The following EMILIN2 variants were observed in gnomAD, a reference collection of about 807,000 sequenced individuals.
EMILIN2 encodes EMILIN-2.
EMILIN2 carries 71 observed loss-of-function variants against 87.1 expected under a neutral mutation model. That is an observed-to-expected ratio of 0.82 (90% CI 0.67 to 0.99). The LOEUF (loss-of-function observed/expected upper bound fraction) is 0.99. EMILIN2 is among the 50% of genes least tolerant of loss of function. The pLI is 0.00. For synonymous variants in EMILIN2, 581 were observed against 563.4 expected (o/e 1.03, Z -0.44); for missense variants, 1,407 against 1,371.8 (o/e 1.03, Z -0.40).
At chr18:2,846,454 C>T (rs1157923558), upstream of EMILIN2, among the ~76,000 whole-genome samples, 2 of 152,152 alleles carry the variant, frequency 1.3e-5, no homozygotes, top group African/African-American at 4.8e-5. The surrounding 1 kb of genome is among the most constrained non-coding windows in gnomAD (Gnocchi z 5.3). Context: ...TGTCCTGCCG[C>T]CCCCCGCGTG....
In EMILIN2 at chr18:2,892,251, T is replaced by C. The variant is rs745947288; in HGVS notation, c.2124T>C (p.His708=). The part of the protein sequence containing the change: ...EVSMVEGRVS[H]MEKTCSKLDS... ...CCATGGTGGAGGGCAGGGTGTCTCA[T>C]ATGGAGAAAACTTGCAGCAAGCTGG... The change falls in exon 4 of 8, where the codon CAT becomes CAC. Residue 708 remains histidine (H), a synonymous_variant. Coordinates refer to ENST00000254528, the MANE Select transcript of EMILIN2 (RefSeq NM_032048.3). The C allele has an allele frequency of 1.2e-6, 2 of 1,613,718 alleles. No individual in the cohort carries two copies. Among genetic ancestry groups the C allele is most frequent in the South Asian group, 1.1e-5 (1 of 91,078 alleles).
At chr18:2,858,569 A>ATATATATATATATATATGTG (rs1305555851) in intron 2 of EMILIN2, among the ~76,000 whole-genome samples, 1 of 55,428 alleles carries the variant, frequency 1.8e-5, no homozygotes, top group Non-Finnish European at 3.0e-5. Context: ...ATATATATAT[A>ATATATATATATATATATGTG]TGTGTGTGTG....
At chr18:2,857,737 A>T (rs1379725379) in intron 2 of EMILIN2, among the ~76,000 whole-genome samples, 1 of 152,168 alleles carries the variant, frequency 6.6e-6, no homozygotes, top group East Asian at 1.9e-4. Context: ...CACACATTCC[A>T]GAACCTTGAG....
At chr18:2,901,548 G>A (rs1272290876) in intron 4 of EMILIN2, among the ~76,000 whole-genome samples, 2 of 152,236 alleles carry the variant, frequency 1.3e-5, no homozygotes, top group Non-Finnish European at 2.9e-5. Context: ...TTCACCCATG[G>A]TGAGGCTGTG....
chr18:2,869,908 G>A (rs1011799930), intron 2 of EMILIN2, among the ~76,000 whole-genome samples: 7 of 151,998 alleles, frequency 4.6e-5, no homozygotes, highest in African/African-American at 1.7e-4. Context: ...AGTTTCTGAA[G>A]AACAACTGAT....
chr18:2,853,619 C>T, intron 2 of EMILIN2, among the ~76,000 whole-genome samples: 1 of 152,192 alleles, frequency 6.6e-6, no homozygotes, highest in East Asian at 1.9e-4. Context: ...GGGGTCACTA[C>T]CCCCATTTTA....
intron 4 of EMILIN2, among the ~76,000 whole-genome samples, chr18:2,905,780 TTTG>T (rs1276393773): frequency 0.13 from 15,169 of 113,094 alleles, 1,096 homozygotes; most frequent in South Asian, 0.16. Context: ...TTTTTGTTTT[TTTG>T]TTTTTTTTTT....
chr18:2,879,548 C>A (rs1406605994), intron 2 of EMILIN2, among the ~76,000 whole-genome samples: 1 of 151,884 alleles, frequency 6.6e-6, no homozygotes, highest in Admixed American at 6.6e-5. Flanking sequence ...GTAATCCCAG[C>A]TACTAGGGAG....
At position 2,847,980 on chromosome 18, in the gene EMILIN2, G is replaced by C; in HGVS notation, c.257+49G>C. The C allele has an allele frequency of 6.6e-7, 1 of 1,519,674 alleles. No individual in the cohort carries two copies. The highest frequency in any genetic ancestry group is 8.8e-7 in the Non-Finnish European group (1 of 1,135,132). 94.1% of individuals were successfully genotyped at this position (1,519,674 alleles called of 1,614,324 possible). A position where few individuals can be genotyped will look rare whatever the true frequency, so the allele number is the denominator to read the frequency against. ...GGCGGGGCGCGCCCGGGCCGGGGCG[G>C]TGGGGGTGGGGTGGGGTTGCTGCGC... On this transcript the variant is annotated intron_variant, in intron 2 of 7. Coordinates refer to ENST00000254528, the MANE Select transcript of EMILIN2 (RefSeq NM_032048.3). The surrounding 1 kb of genome is among the most constrained non-coding windows in gnomAD (Gnocchi z 4.5).
At chr18:2,859,935 A>G (rs1173497697) in intron 2 of EMILIN2, among the ~76,000 whole-genome samples, 1 of 152,084 alleles carries the variant, frequency 6.6e-6, no homozygotes, top group Non-Finnish European at 1.5e-5. Context: ...CTATGTGCCT[A>G]TTTTTATACC....
At chr18:2,877,541 G>A (rs922198870) in intron 2 of EMILIN2, among the ~76,000 whole-genome samples, 1 of 151,334 alleles carries the variant, frequency 6.6e-6, no homozygotes, top group Non-Finnish European at 1.5e-5. Context: ...ACTTTGGGAG[G>A]CTGAGGTGGG....
At chr18:2,907,116 C>T (rs1169503604) in intron 5 of EMILIN2, 31 bp downstream of exon 5, 5 of 1,230,718 alleles carry the variant, frequency 4.1e-6, no homozygotes, top group Non-Finnish European at 4.1e-6. Context: ...GGGAGGAGCG[C>T]GGGGCTCTCC....
chr18:2,847,671 G>A lies in EMILIN2; in HGVS notation c.135-138G>A. On this transcript the variant is annotated intron_variant, in intron 1 of 7. Coordinates refer to ENST00000254528, the MANE Select transcript of EMILIN2 (RefSeq NM_032048.3). The surrounding 1 kb of genome is among the most constrained non-coding windows in gnomAD (Gnocchi z 4.5). ...CCCGGGCACCCTCCGGCGTCTGCTC[G>A]GTGAAGCTCCCGCCTCCGCAGAGGG... 7.3e-7 allele frequency: 1 copy of A among 1,369,396 alleles called. No homozygotes were observed. Among genetic ancestry groups the A allele is most frequent in the Non-Finnish European group, 9.6e-7 (1 of 1,040,850 alleles). The allele number at this position is 1,369,396 out of a possible 1,614,324, so 84.8% of individuals were successfully genotyped here.
Position 2,892,504 on chromosome 18 carries a change from A to G in EMILIN2, c.2359+18A>G, listed in dbSNP as rs773574909. 7.1e-6 allele frequency: 11 copies of G among 1,555,736 alleles called. No homozygotes were observed. In the African/African-American group the frequency reaches 8.2e-5, roughly 12 times the overall value. On this transcript the variant is annotated intron_variant, in intron 4 of 7. Transcript: ENST00000254528. ...ATCAGCAAGTAAGTTGAATATTACA[A>G]TTCTATTTCTTGTATTTCTTTGCAG...
intron 4 of EMILIN2, among the ~76,000 whole-genome samples, chr18:2,903,019 T>C (rs545732011): frequency 6.6e-6 from 1 of 152,112 alleles, no homozygotes; most frequent in Non-Finnish European, 1.5e-5. Flanking sequence ...GACTAACTTA[T>C]CGAGGGTTGA....
At chr18:2,864,891 T>C (rs1236932654) in intron 2 of EMILIN2, among the ~76,000 whole-genome samples, 1 of 152,240 alleles carries the variant, frequency 6.6e-6, no homozygotes, top group Non-Finnish European at 1.5e-5. Flanking sequence ...CATAGTCCCA[T>C]ATTTCTTGGA....
At chr18:2,912,223 G>A (rs2076944701) in intron 7 of EMILIN2, among the ~76,000 whole-genome samples, 1 of 151,778 alleles carries the variant, frequency 6.6e-6, no homozygotes, top group Non-Finnish European at 1.5e-5. Flanking sequence ...TGTATTTTTA[G>A]TAGAGATGGG....
chr18:2,895,035 A>G (rs1417561874), intron 4 of EMILIN2, among the ~76,000 whole-genome samples: 1 of 152,188 alleles, frequency 6.6e-6, no homozygotes, highest in Non-Finnish European at 1.5e-5. Flanking sequence ...TGTTTGTGGC[A>G]TAGCAGTTTA....
At position 2,913,251 on chromosome 18, in the gene EMILIN2, G is replaced by T. The variant is rs764065067; in HGVS notation, c.3009G>T (p.Gly1003=). The T allele has an allele frequency of 6.2e-7, 1 of 1,613,934 alleles. No individual in the cohort carries two copies. Among genetic ancestry groups the T allele is most frequent in the Non-Finnish European group, 8.5e-7 (1 of 1,179,870 alleles). Residue 1003 remains glycine (G), a synonymous_variant, in exon 8 of 8, where the codon GGG becomes GGT. Coordinates refer to ENST00000254528, the MANE Select transcript of EMILIN2 (RefSeq NM_032048.3). Reference sequence around the variant, plus strand: ...CTCCAGGAGCTTTGCATACCTGCGGGGGCCCGGGGGCATTCCACCTCATCG... The same window carrying T: ...CTCCAGGAGCTTTGCATACCTGCGGTGGCCCGGGGGCATTCCACCTCATCG... ...HRPPGALHTC[G]GPGAFHLIVH...
Sources: gnomAD v4.1 joint callset for allele counts (sites outside exome capture counted in the v4.1 genomes callset) on GRCh38, gnomAD v4.1.1 for gene constraint, Gnocchi (gnomAD v3.1) non-coding constraint, MANE v1.5 for transcripts, NCBI Gene and HGNC (gene_info 2026-07-23, HGNC 2026-07-21) for gene names.